Variants in CYP39A1 observed in about 807,000 individuals in gnomAD.
The protein encoded by CYP39A1 is 24-hydroxycholesterol 7-alpha-hydroxylase.
Under a neutral mutation model 58.1 loss-of-function variants are expected in CYP39A1, and 49 were observed. The ratio of observed to expected loss-of-function variants is 0.84; its 90% CI spans 0.67 to 1.07. The LOEUF (loss-of-function observed/expected upper bound fraction) is 1.07, where lower values mean the gene tolerates loss of function less well. Ranked by LOEUF, CYP39A1 falls within the 50% of genes least tolerant of loss-of-function variation. CYP39A1 has a pLI of 0.00. For synonymous variants in CYP39A1, 209 were observed against 187.6 expected (o/e 1.11, Z -0.93); for missense variants, 531 against 539.4 (o/e 0.98, Z 0.16).
At chr6:46,602,689 C>CAAAAA (rs35833432) in intron 7 of CYP39A1, among the ~76,000 whole-genome samples, 21 of 46,832 alleles carry the variant, frequency 4.5e-4, no homozygotes, top group Admixed American at 7.2e-4. Context: ...GTGCACGTCT[C>CAAAAA]AAAAAAAAAA....
intron 10 of CYP39A1, among the ~76,000 whole-genome samples, chr6:46,585,175 G>C (rs1772393792): frequency 6.6e-6 from 1 of 152,088 alleles, no homozygotes; most frequent in Non-Finnish European, 1.5e-5. Flanking sequence ...GGTAGTAATA[G>C]CGCCTCTTGG....
chr6:46,616,137 T>C (rs1205030914), intron 7 of CYP39A1, among the ~76,000 whole-genome samples: 1 of 166 alleles, frequency 6.0e-3, no homozygotes, highest in Non-Finnish European at 0.021. Flanking sequence ...TCTTTCTTTC[T>C]TTCTTTCTTT....
chr6:46,562,586 G>A (rs1771041445), intron 10 of CYP39A1, among the ~76,000 whole-genome samples: 1 of 151,524 alleles, frequency 6.6e-6, no homozygotes, highest in Non-Finnish European at 1.5e-5. Context: ...TGGACAACAT[G>A]GTGAAACCTC....
intron 6 of CYP39A1, among the ~76,000 whole-genome samples, chr6:46,626,084 A>T (rs1183290687): frequency 6.6e-6 from 1 of 152,088 alleles, no homozygotes; most frequent in East Asian, 1.9e-4. Flanking sequence ...TGAATTAGTA[A>T]ATAAAAGAAA....
At chr6:46,599,904 C>T (rs988815272) in intron 7 of CYP39A1, among the ~76,000 whole-genome samples, 14 of 152,056 alleles carry the variant, frequency 9.2e-5, no homozygotes, top group African/African-American at 3.4e-4. Context: ...CTTGGTCTTG[C>T]CATCGCAGAA....
chr6:46,634,810 C>T (rs2150586050), intron 5 of CYP39A1, among the ~76,000 whole-genome samples: 1 of 152,316 alleles, frequency 6.6e-6, no homozygotes, highest in African/African-American at 2.4e-5. Flanking sequence ...GCGTGAGCCA[C>T]AGCACCCAGC....
At chr6:46,583,833 G>T (rs1043692978) in intron 10 of CYP39A1, among the ~76,000 whole-genome samples, 2 of 152,108 alleles carry the variant, frequency 1.3e-5, no homozygotes, top group African/African-American at 4.8e-5. Flanking sequence ...TGTGAGAGGG[G>T]TTCTCATACC....
intron 10 of CYP39A1, among the ~76,000 whole-genome samples, chr6:46,576,670 A>T (rs1378686915): frequency 6.6e-6 from 1 of 152,232 alleles, no homozygotes; most frequent in Non-Finnish European, 1.5e-5. Flanking sequence ...TGGAAATGAG[A>T]AATTCGCCAC....
intron 10 of CYP39A1, among the ~76,000 whole-genome samples, chr6:46,562,235 C>A (rs1486586650): frequency 6.6e-6 from 1 of 151,972 alleles, no homozygotes; most frequent in Non-Finnish European, 1.5e-5. Flanking sequence ...GTTGGCCAGG[C>A]TGGTCTTGAA....
intron 6 of CYP39A1, among the ~76,000 whole-genome samples, chr6:46,628,331 C>CA (rs1471881939): frequency 2.0e-5 from 3 of 151,956 alleles, no homozygotes; most frequent in Admixed American, 6.6e-5. Flanking sequence ...ACACATGTTA[C>CA]AAAAAATAAA....
In CYP39A1 at chr6:46,645,537, G is replaced by T. The variant is rs187193332; in HGVS notation, c.178-3239C>A. ...ACTCTATTTTGTTCCACTAATCTTT[G>T]TGTCTATCCTTCTGCCAGTACTAAA... On this transcript the variant is annotated intron_variant, in intron 1 of 11. Coordinates refer to ENST00000275016, the MANE Select transcript of CYP39A1 (RefSeq NM_016593.5). Among the ~76,000 whole-genome samples, 646 of 152,210 alleles carry T rather than the reference G, an allele frequency of 4.2e-3. 4 individuals are homozygous for T. The highest frequency in any genetic ancestry group is 5.6e-3 in the Non-Finnish European group (382 of 67,986).
intron 10 of CYP39A1, among the ~76,000 whole-genome samples, chr6:46,571,512 C>T (rs143112490): frequency 9.9e-5 from 15 of 152,016 alleles, no homozygotes; most frequent in African/African-American, 2.4e-4. Context: ...TCTGAATTAA[C>T]GTCTAGTTTG....
intron 5 of CYP39A1, among the ~76,000 whole-genome samples, chr6:46,635,170 T>C (rs899223466): frequency 6.6e-6 from 1 of 152,234 alleles, no homozygotes; most frequent in South Asian, 2.1e-4. Context: ...CAAAAACTTT[T>C]GATGCCATCT....
chr6:46,600,905 A>T (rs1214043228), intron 7 of CYP39A1, among the ~76,000 whole-genome samples: 1 of 152,152 alleles, frequency 6.6e-6, no homozygotes, highest in Non-Finnish European at 1.5e-5. Flanking sequence ...AAAACTCCCG[A>T]TTTGTAGACA....
chr6:46,598,582 T>C (rs1288559424), intron 7 of CYP39A1, among the ~76,000 whole-genome samples: 1 of 152,194 alleles, frequency 6.6e-6, no homozygotes, highest in African/African-American at 2.4e-5. Flanking sequence ...AAAAATAATT[T>C]AGAAAAGCCA....
intron 1 of CYP39A1, among the ~76,000 whole-genome samples, chr6:46,647,090 A>C (rs1333404327): frequency 1.4e-5 from 2 of 147,008 alleles, no homozygotes; most frequent in Non-Finnish European, 3.0e-5. Context: ...GGCTTATTTT[A>C]CTCTGTTTAT....
chr6:46,627,813 G>T (rs1297980535), intron 6 of CYP39A1, among the ~76,000 whole-genome samples: 1 of 152,096 alleles, frequency 6.6e-6, no homozygotes, highest in Non-Finnish European at 1.5e-5. Context: ...ATATAAAATA[G>T]TTAATAAAAG....
chr6:46,642,407 T>C, intron 1 of CYP39A1, 109 bp from the exon 2 acceptor site: 2 of 1,050,872 alleles, frequency 1.9e-6, no homozygotes, highest in Non-Finnish European at 2.7e-6. Flanking sequence ...GAAAAATTAT[T>C]ATGATTATAT....
At position 46,581,293 on chromosome 6, in the gene CYP39A1, C is replaced by T. The variant is rs138521067; in HGVS notation, c.1250+5784G>A. On this transcript the variant is annotated intron_variant, in intron 10 of 11. Transcript: ENST00000275016. ...GGGCACTATGGCATGTGCCTGTAGG[C>T]CCAGTGACTCAGGAGGCTGAGGCAG... Among the ~76,000 whole-genome samples the T allele has an allele frequency of 2.2e-4, 33 of 151,868 alleles. No individual in the cohort carries two copies. In the East Asian group the frequency reaches 6.0e-3, roughly 28 times the overall value.
Sources: gnomAD v4.1 joint callset for allele counts (sites outside exome capture counted in the v4.1 genomes callset) on GRCh38, gnomAD v4.1.1 for gene constraint, MANE v1.5 for transcripts, NCBI Gene and HGNC (gene_info 2026-07-23, HGNC 2026-07-21) for gene names.